NAALADL2: variants seen among roughly 807,000 people sequenced by gnomAD.
NAALADL2 encodes inactive N-acetylated-alpha-linked acidic dipeptidase-like protein 2.
Under a neutral mutation model 87.2 loss-of-function variants are expected in NAALADL2, and 76 were observed. That is an observed-to-expected ratio of 0.87 (90% CI 0.72 to 1.05). The LOEUF is 1.05. NAALADL2 is among the 50% of genes least tolerant of loss of function. NAALADL2 has a pLI of 0.00. For synonymous variants in NAALADL2, 354 were observed against 331.0 expected, an observed-to-expected ratio of 1.07 and a Z score of -0.75; for missense variants, 1,089 against 945.8, an observed-to-expected ratio of 1.15 and a Z score of -1.99.
intron 3 of NAALADL2, among the ~76,000 whole-genome samples, chr3:174,799,997 T>C (rs1718625130): frequency 1.3e-5 from 2 of 152,088 alleles, no homozygotes; most frequent in African/African-American, 4.8e-5. Flanking sequence ...TGATATAGGG[T>C]ATCTGGCAGA....
At chr3:174,455,673 C>G (rs374285229) in intron 1 of NAALADL2, among the ~76,000 whole-genome samples, 8 of 152,148 alleles carry the variant, frequency 5.3e-5, no homozygotes, top group African/African-American at 1.2e-4. Flanking sequence ...ATTCAACACC[C>G]CTTCATGTTA....
chr3:174,905,920 A>C (rs1732898479), intron 1 of NAALADL2, among the ~76,000 whole-genome samples: 1 of 152,116 alleles, frequency 6.6e-6, no homozygotes, highest in Non-Finnish European at 1.5e-5. Context: ...GCACCTGGAT[A>C]TTAATCTTTG....
intron 3 of NAALADL2, among the ~76,000 whole-genome samples, chr3:175,254,781 T>C (rs1328719664): frequency 6.6e-6 from 1 of 152,190 alleles, no homozygotes; most frequent in Non-Finnish European, 1.5e-5. Context: ...TATATGGTAA[T>C]GGTATCAGCC....
chr3:174,859,940 G>A (rs2109528587), intron 1 of NAALADL2, among the ~76,000 whole-genome samples: 1 of 152,136 alleles, frequency 6.6e-6, no homozygotes, highest in African/African-American at 2.4e-5. Context: ...GGGGAACATG[G>A]GCGAGCCTAT....
chr3:175,161,043 A>C (rs1158613826), intron 2 of NAALADL2, among the ~76,000 whole-genome samples: 1 of 152,160 alleles, frequency 6.6e-6, no homozygotes, highest in Non-Finnish European at 1.5e-5. Context: ...ATTTTACAAA[A>C]AAGTACATAT....
intron 2 of NAALADL2, among the ~76,000 whole-genome samples, chr3:174,663,249 T>A (rs1254886958): frequency 6.6e-6 from 1 of 152,112 alleles, no homozygotes; most frequent in Non-Finnish European, 1.5e-5. Context: ...ATGACAAAAA[T>A]AACATAAAAT....
intron 5 of NAALADL2, among the ~76,000 whole-genome samples, chr3:175,440,064 A>C (rs1182846048): frequency 1.3e-5 from 2 of 152,128 alleles, no homozygotes; most frequent in Non-Finnish European, 2.9e-5. Flanking sequence ...ATTTTTGTAT[A>C]AGATGAGAGA....
intron 3 of NAALADL2, among the ~76,000 whole-genome samples, chr3:175,243,859 A>G (rs1253983200): frequency 1.3e-5 from 2 of 152,172 alleles, no homozygotes. Flanking sequence ...CACAGAACTA[A>G]TGGAAAATCA....
At chr3:174,500,192 CT>C (rs557491655) in intron 1 of NAALADL2, among the ~76,000 whole-genome samples, 15 of 151,866 alleles carry the variant, frequency 9.9e-5, no homozygotes, top group African/African-American at 2.2e-4. Context: ...TTTCAGATGA[CT>C]TTTTTTTCTA....
chr3:175,107,535 A>ACAAAC (rs1560036217), intron 2 of NAALADL2, among the ~76,000 whole-genome samples: 62 of 146,148 alleles, frequency 4.2e-4, no homozygotes, highest in African/African-American at 1.3e-3. Context: ...CACACACACA[A>ACAAAC]ACACACACAC....
chr3:174,696,021 A>C (rs946796963), intron 2 of NAALADL2, among the ~76,000 whole-genome samples: 5 of 152,154 alleles, frequency 3.3e-5, no homozygotes, highest in Middle Eastern at 3.4e-3. Flanking sequence ...TCCAGGCTAA[A>C]ATGCTCCTGA....
At chr3:174,530,167 T>C (rs1721112286) in intron 1 of NAALADL2, among the ~76,000 whole-genome samples, 1 of 152,162 alleles carries the variant, frequency 6.6e-6, no homozygotes, top group Non-Finnish European at 1.5e-5. Flanking sequence ...AGAAATTTCT[T>C]CTACCAGATA....
intron 11 of NAALADL2, among the ~76,000 whole-genome samples, chr3:175,670,869 C>T (rs961045889): frequency 3.3e-5 from 5 of 151,204 alleles, no homozygotes; most frequent in African/African-American, 7.3e-5. Flanking sequence ...AAATTCAACT[C>T]AAACGAAAAA....
chr3:174,797,292 G>GTTTTTTTTT (rs1468962061), intron 3 of NAALADL2, among the ~76,000 whole-genome samples: 1 of 109,644 alleles, frequency 9.1e-6, no homozygotes, highest in African/African-American at 3.8e-5. Context: ...TTTTTCTTTT[G>GTTTTTTTTT]TTTTTCTTTT....
chr3:175,322,658 C>T (rs1479503517), intron 4 of NAALADL2, among the ~76,000 whole-genome samples: 1 of 142,196 alleles, frequency 7.0e-6, no homozygotes, highest in Non-Finnish European at 1.5e-5. Context: ...ACAAACAACC[C>T]CATCAAAAAG....
At chr3:175,316,292 T>C (rs1431243978) in intron 4 of NAALADL2, among the ~76,000 whole-genome samples, 1 of 151,914 alleles carries the variant, frequency 6.6e-6, no homozygotes, top group Non-Finnish European at 1.5e-5. Flanking sequence ...GGACCTGGAG[T>C]CTGTGCACGG....
Position 175,709,255 on chromosome 3 carries a change from T to C in NAALADL2, c.1897-28051T>C, listed in dbSNP as rs1397193071. 2.0e-5 allele frequency among the ~76,000 whole-genome samples: 3 copies of C among 152,244 alleles called. No individual in the cohort carries two copies. The East Asian group carries it at 5.8e-4, about 29-fold the overall frequency. On this transcript the variant is annotated intron_variant, in intron 11 of 13. Coordinates refer to ENST00000454872, the MANE Select transcript of NAALADL2 (RefSeq NM_207015.3). ...GCTCGTGATTATTCTGCCTTCAGTT[T>C]GAATAGTTTCCATAGATAAACATAT...
intron 2 of NAALADL2, among the ~76,000 whole-genome samples, chr3:175,192,070 G>A (rs1470670826): frequency 2.0e-5 from 3 of 151,984 alleles, no homozygotes; most frequent in Admixed American, 2.0e-4. Flanking sequence ...ACTTATTTGA[G>A]GTGTGCATGT....
chr3:175,488,057 GT>G (rs1374404088), intron 9 of NAALADL2, among the ~76,000 whole-genome samples: 2 of 152,202 alleles, frequency 1.3e-5, no homozygotes, highest in Non-Finnish European at 2.9e-5. Flanking sequence ...ATGGAAAACA[GT>G]GTAGAGTTTA....
Sources: allele counts gnomAD v4.1 joint callset (sites outside exome capture counted in the v4.1 genomes callset), GRCh38; gene constraint gnomAD v4.1.1; transcripts MANE v1.5; gene names NCBI Gene and HGNC (gene_info 2026-07-23, HGNC 2026-07-21).